The following DIAPH2 variants were observed in gnomAD, a reference collection of about 807,000 sequenced individuals.
DIAPH2 encodes the protein protein diaphanous homolog 2.
A neutral mutation model predicts 92.7 loss-of-function variants in DIAPH2; 35 were observed. The ratio of observed to expected loss-of-function variants is 0.38; its 90% CI spans 0.29 to 0.50. DIAPH2 has a LOEUF of 0.50. DIAPH2 is among the 20% of genes least tolerant of loss of function. The pLI is 0.94. For synonymous variants in DIAPH2, 301 were observed against 280.4 expected, an observed-to-expected ratio of 1.07 and a Z score of -0.73; for missense variants, 701 against 819.5, an observed-to-expected ratio of 0.86 and a Z score of 1.77.
intron 17 of DIAPH2, among the ~76,000 whole-genome samples, chrX:97,060,374 A>C (rs955522515): frequency 8.9e-6 from 1 of 112,342 alleles, no homozygotes; most frequent in African/African-American, 3.2e-5. Flanking sequence ...TATTATCTTC[A>C]ATAAGTTTCT....
chrX:97,430,362 A>G (rs767264641), intron 26 of DIAPH2, among the ~76,000 whole-genome samples: 2 of 112,730 alleles, frequency 1.8e-5, no homozygotes, highest in South Asian at 7.3e-4. Context: ...AGTGAACTGG[A>G]AAGTTGTCTA....
At chrX:97,155,692 T>C (rs2067317699) in intron 22 of DIAPH2, among the ~76,000 whole-genome samples, 1 of 111,492 alleles carries the variant, frequency 9.0e-6, no homozygotes, top group South Asian at 3.8e-4. Context: ...GGCATCCTTA[T>C]GAAAAATGCA....
chrX:97,298,790 T>G (rs1315149281), intron 23 of DIAPH2, among the ~76,000 whole-genome samples: 1 of 109,922 alleles, frequency 9.1e-6, no homozygotes, highest in East Asian at 2.9e-4. Flanking sequence ...AATTTTTTTT[T>G]GTATTTTTTA....
chrX:97,298,275 G>T (rs2068662544), intron 23 of DIAPH2, among the ~76,000 whole-genome samples: 1 of 95,006 alleles, frequency 1.1e-5, no homozygotes. Flanking sequence ...ACAGACACAT[G>T]GATTGAACAT....
At chrX:97,018,712 C>A (rs2066276722) in intron 17 of DIAPH2, among the ~76,000 whole-genome samples, 1 of 111,812 alleles carries the variant, frequency 8.9e-6, no homozygotes, top group South Asian at 3.7e-4. Context: ...CCAGTTTCCC[C>A]TATTATTATC....
chrX:97,477,731 A>G (rs1264578516), intron 26 of DIAPH2, among the ~76,000 whole-genome samples: 1 of 112,033 alleles, frequency 8.9e-6, no homozygotes, highest in Non-Finnish European at 1.9e-5. Context: ...ACACTAGTGA[A>G]TCAGCTCTAC....
intron 26 of DIAPH2, among the ~76,000 whole-genome samples, chrX:97,596,403 T>C (rs890739469): frequency 2.7e-5 from 3 of 112,238 alleles, no homozygotes; most frequent in Non-Finnish European, 5.6e-5. Flanking sequence ...TACCACTACT[T>C]GTTAACAAAG....
intron 24 of DIAPH2, among the ~76,000 whole-genome samples, chrX:97,363,665 CAAAAAA>C (rs35245894): frequency 5.6e-5 from 1 of 17,805 alleles, no homozygotes; most frequent in Non-Finnish European, 1.2e-4. Flanking sequence ...GACTCTGCCT[CAAAAAA>C]AAAAAAAAAA....
At chrX:96,788,587 T>A (rs749855460) in intron 4 of DIAPH2, among the ~76,000 whole-genome samples, 4 of 111,843 alleles carry the variant, frequency 3.6e-5, no homozygotes, top group Non-Finnish European at 7.5e-5. Flanking sequence ...GCAAATTGTG[T>A]AAGTAAAATT....
chrX:97,389,423 G>A (rs1177060433), intron 25 of DIAPH2, among the ~76,000 whole-genome samples: 8 of 96,043 alleles, frequency 8.3e-5, no homozygotes, highest in African/African-American at 1.6e-4. Flanking sequence ...CCGAGATCAC[G>A]CCACTGCACT....
At chrX:97,406,564 T>C (rs2069811507) in intron 25 of DIAPH2, among the ~76,000 whole-genome samples, 1 of 111,915 alleles carries the variant, frequency 8.9e-6, no homozygotes. Context: ...ATAGAAATCA[T>C]AGTCCTATTG....
chrX:96,794,293 A>G (rs769197537), intron 4 of DIAPH2, among the ~76,000 whole-genome samples: 4 of 111,515 alleles, frequency 3.6e-5, no homozygotes, highest in South Asian at 7.6e-4. Flanking sequence ...AATTTTGGGG[A>G]GACATAAACA....
At chrX:96,947,521 G>T (rs2065745750) in intron 14 of DIAPH2, among the ~76,000 whole-genome samples, 1 of 110,909 alleles carries the variant, frequency 9.0e-6, no homozygotes. Context: ...GAGAATATTT[G>T]GGCCAGGATC....
At chrX:97,360,496 C>T (rs192372263) in intron 24 of DIAPH2, among the ~76,000 whole-genome samples, 1,728 of 108,446 alleles carry the variant, frequency 0.016, 34 homozygotes, top group African/African-American at 0.055. Flanking sequence ...TAGTGCCGGG[C>T]GCCTATAATC....
chrX:96,892,320 T>C (rs1426870287), intron 5 of DIAPH2, among the ~76,000 whole-genome samples: 1 of 112,244 alleles, frequency 8.9e-6, no homozygotes, highest in Non-Finnish European at 1.9e-5. Flanking sequence ...TTATGTGCGG[T>C]ATTACTAAAG....
At chrX:97,275,412 C>G (rs191236851) in intron 23 of DIAPH2, among the ~76,000 whole-genome samples, 41 of 101,651 alleles carry the variant, frequency 4.0e-4, no homozygotes, top group Non-Finnish European at 7.9e-4. Flanking sequence ...GCTGGCCAGG[C>G]GGGGGCTGCC....
intron 3 of DIAPH2, among the ~76,000 whole-genome samples, chrX:96,755,429 G>A (rs1396669531): frequency 9.0e-6 from 1 of 111,241 alleles, no homozygotes; most frequent in East Asian, 2.8e-4. Context: ...CGAGGTGGGT[G>A]GATCATGAGA....
intron 22 of DIAPH2, among the ~76,000 whole-genome samples, chrX:97,213,437 C>T (rs770670050): frequency 2.1e-4 from 23 of 111,570 alleles, no homozygotes; most frequent in Non-Finnish European, 3.6e-4. Context: ...CAGTGTGTCA[C>T]ATTTTGGGTT....
chrX:97,350,170 C>T (rs1334004082), intron 24 of DIAPH2, among the ~76,000 whole-genome samples: 5 of 109,949 alleles, frequency 4.5e-5, no homozygotes, highest in Non-Finnish European at 9.5e-5. Context: ...ATTAGCCGGT[C>T]GTGGTGGCGG....
Sources: allele counts gnomAD v4.1 joint callset (sites outside exome capture counted in the v4.1 genomes callset), GRCh38; gene constraint gnomAD v4.1.1; transcripts MANE v1.5; gene names NCBI Gene and HGNC (gene_info 2026-07-23, HGNC 2026-07-21).